The following GPC4 variants were observed in gnomAD, a reference collection of about 807,000 sequenced individuals.
GPC4 encodes glypican-4.
GPC4 carries 10 observed loss-of-function variants against 35.0 expected under a neutral mutation model. The observed-to-expected ratio is 0.29, with a 90% CI of 0.18 to 0.48. The LOEUF (loss-of-function observed/expected upper bound fraction) is 0.48, where lower values mean the gene tolerates loss of function less well. Among genes scored for constraint, GPC4 ranks in the 20% least tolerant of loss-of-function variants. GPC4 has a pLI of 0.99. For synonymous variants in GPC4, 167 were observed against 170.2 expected (o/e 0.98, Z 0.15); for missense variants, 322 against 451.3 (o/e 0.71, Z 2.60).
chrX:133,412,325 AG>A (rs780471347), intron 1 of GPC4, among the ~76,000 whole-genome samples: 1 of 112,307 alleles, frequency 8.9e-6, no homozygotes, highest in South Asian at 3.7e-4. Flanking sequence ...GGCCGTCTAA[AG>A]GTATTTACTT....
intron 1 of GPC4, among the ~76,000 whole-genome samples, chrX:133,347,868 A>G (rs1321655701): frequency 8.9e-6 from 1 of 111,982 alleles, no homozygotes; most frequent in Non-Finnish European, 1.9e-5. Flanking sequence ...ATCACCTACT[A>G]ATCAGTAGGA....
intron 1 of GPC4, among the ~76,000 whole-genome samples, chrX:133,404,798 G>C (rs1180310188): frequency 1.0e-5 from 1 of 97,780 alleles, no homozygotes; most frequent in African/African-American, 4.2e-5. Flanking sequence ...GTTGCAGTGA[G>C]CAGAGATCAT....
intron 2 of GPC4, among the ~76,000 whole-genome samples, chrX:133,326,741 T>C (rs1273297986): frequency 1.8e-5 from 2 of 112,592 alleles, no homozygotes; most frequent in African/African-American, 6.4e-5. Flanking sequence ...AATAAATTTA[T>C]TGCATTCCTA....
At position 133,302,748 on chromosome X, in the gene GPC4, T is replaced by C. The variant is rs765935291; in HGVS notation, c.*119A>G. 29 of 642,138 alleles carry C rather than the reference T, an allele frequency of 4.5e-5. No individual in the cohort carries two copies. The African/African-American group carries it at 5.6e-4, about 12-fold the overall frequency. 52.9% of individuals were successfully genotyped at this position (642,138 alleles called of 1,213,427 possible). A position where few individuals can be genotyped will look rare whatever the true frequency, so the allele number is the denominator to read the frequency against. ...AGCACTTCTTAAACCAGTGGCCACA[T>C]AGTAAAAACTGTACATTGTTGTCCA... On this transcript the variant is annotated 3_prime_UTR_variant, in exon 9 of 9. Coordinates refer to ENST00000370828, the MANE Select transcript of GPC4 (RefSeq NM_001448.3).
intron 1 of GPC4, among the ~76,000 whole-genome samples, chrX:133,399,295 T>G (rs1484391486): frequency 1.8e-5 from 2 of 110,744 alleles, no homozygotes; most frequent in African/African-American, 6.6e-5. Context: ...AAAACAACAG[T>G]GCAAAGTGAC....
intron 2 of GPC4, among the ~76,000 whole-genome samples, chrX:133,328,965 G>A (rs1345046688): frequency 8.9e-6 from 1 of 111,912 alleles, no homozygotes; most frequent in Non-Finnish European, 1.9e-5. Flanking sequence ...TCTGTGATCA[G>A]CGTTTATTTC....
chrX:133,327,637 G>GTT (rs1491553643), intron 2 of GPC4, among the ~76,000 whole-genome samples: 33 of 1,636 alleles, frequency 0.02, no homozygotes, highest in African/African-American at 0.031. Context: ...GTCCAGGAAA[G>GTT]TGTGTGTGTG....
chrX:133,363,627 T>C (rs112202867), intron 1 of GPC4, among the ~76,000 whole-genome samples: 2,177 of 111,388 alleles, frequency 0.02, 55 homozygotes, highest in African/African-American at 0.067. Flanking sequence ...CTGCTGGGCA[T>C]GTTGCTTGCT....
At chrX:133,359,755 C>G (rs1257972720) in intron 1 of GPC4, among the ~76,000 whole-genome samples, 1 of 111,139 alleles carries the variant, frequency 9.0e-6, no homozygotes, top group Non-Finnish European at 1.9e-5. Context: ...AATCAACAAA[C>G]CAGGAGTAGA....
intron 1 of GPC4, among the ~76,000 whole-genome samples, chrX:133,408,983 C>A (rs1009614818): frequency 9.1e-6 from 1 of 109,448 alleles, no homozygotes; most frequent in East Asian, 2.9e-4. Context: ...GGTGAAACCA[C>A]GTCTCTACTA....
chrX:133,340,382 T>G (rs900499001), intron 1 of GPC4, among the ~76,000 whole-genome samples: 1 of 111,799 alleles, frequency 8.9e-6, no homozygotes, highest in African/African-American at 3.3e-5. Flanking sequence ...GGTATAATTT[T>G]GTACACGTTT....
At chrX:133,349,682 G>A (rs1006743259) in intron 1 of GPC4, among the ~76,000 whole-genome samples, 3 of 112,187 alleles carry the variant, frequency 2.7e-5, no homozygotes, top group African/African-American at 3.2e-5. Flanking sequence ...GCGCAGTGGC[G>A]TGAACATAGC....
At chrX:133,383,051 A>G (rs2068670671) in intron 1 of GPC4, among the ~76,000 whole-genome samples, 1 of 111,861 alleles carries the variant, frequency 8.9e-6, no homozygotes, top group Non-Finnish European at 1.9e-5. Context: ...TCTCCTTGGT[A>G]TTTATTCAAA....
intron 3 of GPC4, among the ~76,000 whole-genome samples, chrX:133,319,443 C>CAA (rs369290840): frequency 0.043 from 724 of 16,833 alleles, 102 homozygotes; most frequent in African/African-American, 0.11. Context: ...GACCCTATGT[C>CAA]AAAAAAAAAA....
At chrX:133,307,513 C>T (rs1350535186) in intron 4 of GPC4, among the ~76,000 whole-genome samples, 1 of 111,632 alleles carries the variant, frequency 9.0e-6, no homozygotes, top group Non-Finnish European at 1.9e-5. Context: ...TTGTGGTAAG[C>T]GCCAATCAAG....
At chrX:133,397,884 AT>A (rs1334905149) in intron 1 of GPC4, among the ~76,000 whole-genome samples, 7 of 111,209 alleles carry the variant, frequency 6.3e-5, no homozygotes, top group Non-Finnish European at 1.3e-4. Flanking sequence ...AACATGGTGA[AT>A]CCCTGTCTCT....
intron 1 of GPC4, among the ~76,000 whole-genome samples, chrX:133,371,255 G>T (rs763720987): frequency 2.0e-4 from 22 of 112,202 alleles, no homozygotes; most frequent in Non-Finnish European, 3.8e-4. Context: ...GACTTCTAGG[G>T]CTCAGACTAG....
At chrX:133,369,037 G>A (rs1242246113) in intron 1 of GPC4, among the ~76,000 whole-genome samples, 2 of 111,695 alleles carry the variant, frequency 1.8e-5, no homozygotes, top group African/African-American at 3.3e-5. Flanking sequence ...AATCACAGCA[G>A]ATATCATAAA....
At chrX:133,357,362 T>C (rs2068545981) in intron 1 of GPC4, among the ~76,000 whole-genome samples, 1 of 101,367 alleles carries the variant, frequency 9.9e-6, no homozygotes, top group African/African-American at 3.6e-5. Context: ...CCAGCCTGGG[T>C]GACAGAGGAA....
Sources: gnomAD v4.1 joint callset for allele counts (sites outside exome capture counted in the v4.1 genomes callset) on GRCh38, gnomAD v4.1.1 for gene constraint, MANE v1.5 for transcripts, NCBI Gene and HGNC (gene_info 2026-07-23, HGNC 2026-07-21) for gene names.